The following PPP1R16B variants were observed in gnomAD, a reference collection of about 807,000 sequenced individuals.
The protein encoded by PPP1R16B is protein phosphatase 1 regulatory inhibitor subunit 16B.
A neutral mutation model predicts 61.7 loss-of-function variants in PPP1R16B; 14 were observed. The ratio of observed to expected loss-of-function variants is 0.23; its 90% CI spans 0.15 to 0.35. The LOEUF (loss-of-function observed/expected upper bound fraction) is 0.35. PPP1R16B is among the 10% of genes least tolerant of loss of function. The probability of loss-of-function intolerance (pLI) is 1.00; values close to 1 mark genes in which losing one functional copy is unlikely to be tolerated. For missense variants in PPP1R16B, 547 were observed against 752.5 expected, an observed-to-expected ratio of 0.73 and a Z score of 3.19; for synonymous variants, 266 against 305.3, an observed-to-expected ratio of 0.87 and a Z score of 1.34.
chr20:38,902,845 C>T, intron 6 of PPP1R16B, 53 bp downstream of exon 6: 2 of 1,611,358 alleles, frequency 1.2e-6, no homozygotes, highest in African/African-American at 1.3e-5. Context: ...CGAAGTGGGC[C>T]AGCACCTGGT....
intron 1 of PPP1R16B, among the ~76,000 whole-genome samples, chr20:38,815,157 A>C (rs896888244): frequency 5.9e-5 from 9 of 152,064 alleles, no homozygotes; most frequent in African/African-American, 2.2e-4. Flanking sequence ...CTTCTCAGCC[A>C]CTCATCCCTT....
intron 2 of PPP1R16B, among the ~76,000 whole-genome samples, chr20:38,839,004 G>A (rs940120736): frequency 1.2e-4 from 18 of 152,108 alleles, no homozygotes; most frequent in African/African-American, 2.7e-4. Context: ...CTTGGCTCAC[G>A]GCAAACTCTG....
Position 38,889,613 on chromosome 20 carries a change from A to G in PPP1R16B, c.269A>G (p.Asn90Ser). ...DAEEVRYFLK[N>S]KVSPDLCNED... ...ATTGCAGTACGCTACTTCCTGAAGAATAAGGTCAGCCCTGATTTGTGCAAT... is the reference window on the plus strand; with the variant it reads ...ATTGCAGTACGCTACTTCCTGAAGAGTAAGGTCAGCCCTGATTTGTGCAAT... The change falls in exon 3 of 11, where the codon AAT becomes AGT. Residue 90 changes from asparagine to serine, a missense_variant. Asn to Ser is a conservative substitution (Grantham distance 46, BLOSUM62 1). Coordinates refer to ENST00000299824, the MANE Select transcript of PPP1R16B (RefSeq NM_015568.4). The G allele has an allele frequency of 1.3e-6, 2 of 1,594,928 alleles. No homozygotes were observed. Among genetic ancestry groups the G allele is most frequent in the Non-Finnish European group, 1.7e-6 (2 of 1,162,422 alleles).
At chr20:38,817,158 T>C (rs1225963168) in intron 1 of PPP1R16B, among the ~76,000 whole-genome samples, 3 of 152,164 alleles carry the variant, frequency 2.0e-5, no homozygotes. Flanking sequence ...AAACCAGCAA[T>C]TACCAGAGTG....
At chr20:38,862,384 G>T (rs1292884636) in intron 2 of PPP1R16B, among the ~76,000 whole-genome samples, 1 of 152,232 alleles carries the variant, frequency 6.6e-6, no homozygotes, top group Non-Finnish European at 1.5e-5. Flanking sequence ...CTGAGGTGCA[G>T]AGAGGTTCAG....
chr20:38,889,235 G>A (rs1190726221), intron 2 of PPP1R16B, among the ~76,000 whole-genome samples: 1 of 152,198 alleles, frequency 6.6e-6, no homozygotes, highest in Non-Finnish European at 1.5e-5. Context: ...AGAGAAGGAA[G>A]TGTCTTGACC....
chr20:38,903,131 T>C (rs2085410033), intron 6 of PPP1R16B, among the ~76,000 whole-genome samples: 1 of 152,162 alleles, frequency 6.6e-6, no homozygotes, highest in Non-Finnish European at 1.5e-5. Flanking sequence ...AGACTTTGTC[T>C]TTAATAAACA....
intron 1 of PPP1R16B, among the ~76,000 whole-genome samples, chr20:38,828,967 A>G (rs1274454492): frequency 2.0e-5 from 3 of 152,116 alleles, no homozygotes; most frequent in Non-Finnish European, 2.9e-5. Flanking sequence ...GGGCGATGCT[A>G]TTATTCAAAG....
At chr20:38,857,313 A>C (rs1286077645) in intron 2 of PPP1R16B, among the ~76,000 whole-genome samples, 1 of 152,224 alleles carries the variant, frequency 6.6e-6, no homozygotes, top group African/African-American at 2.4e-5. Context: ...AGGATCATCT[A>C]GATACTTGGA....
chr20:38,898,692 C>T (rs974136358), intron 4 of PPP1R16B, among the ~76,000 whole-genome samples: 1 of 152,044 alleles, frequency 6.6e-6, no homozygotes, highest in Admixed American at 6.6e-5. Flanking sequence ...CGCCTGTAAT[C>T]CCAGCTACTC....
At chr20:38,833,045 A>G (rs1213347336) in intron 1 of PPP1R16B, among the ~76,000 whole-genome samples, 1 of 152,226 alleles carries the variant, frequency 6.6e-6, no homozygotes, top group Non-Finnish European at 1.5e-5. Context: ...TTAAACTGGA[A>G]ACGATGCAGA....
intron 2 of PPP1R16B, among the ~76,000 whole-genome samples, chr20:38,846,943 T>C (rs1331559003): frequency 2.0e-5 from 3 of 152,140 alleles, no homozygotes; most frequent in Admixed American, 6.6e-5. Context: ...AGGTCAAGGT[T>C]GTAAGCTGTG....
intron 1 of PPP1R16B, among the ~76,000 whole-genome samples, chr20:38,818,180 C>T (rs962675311): frequency 2.6e-5 from 4 of 152,204 alleles, no homozygotes; most frequent in Non-Finnish European, 2.9e-5. Context: ...TGACTTTGGG[C>T]GTGTCAAGAG....
rs1247059745 is a variant in PPP1R16B, at chr20:38,906,899, AG to A, written c.823-78del. 9.3e-6 allele frequency: 11 copies of A among 1,183,894 alleles called. No homozygotes were observed. In the African/African-American group the frequency reaches 1.5e-4, roughly 16 times the overall value. The allele number at this position is 1,183,894 out of a possible 1,614,324, so 73.3% of individuals were successfully genotyped here. A position where few individuals can be genotyped will look rare whatever the true frequency, so the allele number is the denominator to read the frequency against. ...ACCATTCTTTGGGTCACATCCTAAG[AG>A]GCCTTGGGCACTCTCTCCACCTCCT... On this transcript the variant is annotated intron_variant, in intron 7 of 10. Coordinates refer to ENST00000299824, the MANE Select transcript of PPP1R16B (RefSeq NM_015568.4).
intron 2 of PPP1R16B, among the ~76,000 whole-genome samples, chr20:38,845,189 GA>G (rs1158209399): frequency 6.6e-6 from 1 of 152,160 alleles, no homozygotes; most frequent in Non-Finnish European, 1.5e-5. Flanking sequence ...ACGGAGAGGG[GA>G]AGATCTAGAG....
intron 2 of PPP1R16B, among the ~76,000 whole-genome samples, chr20:38,862,667 G>A (rs1277655094): frequency 6.6e-6 from 1 of 152,190 alleles, no homozygotes; most frequent in Non-Finnish European, 1.5e-5. Flanking sequence ...GGAATAAGCA[G>A]GTCCTTGAGG....
intron 2 of PPP1R16B, among the ~76,000 whole-genome samples, chr20:38,886,952 T>G (rs892625281): frequency 3.3e-5 from 5 of 152,204 alleles, no homozygotes; most frequent in African/African-American, 1.2e-4. Flanking sequence ...TAATTGTAGT[T>G]GTGACAAGGC....
intron 3 of PPP1R16B, among the ~76,000 whole-genome samples, chr20:38,890,740 A>C (rs894966356): frequency 6.6e-6 from 1 of 152,214 alleles, no homozygotes; most frequent in African/African-American, 2.4e-5. Flanking sequence ...ATGTTGAATT[A>C]ATGCATGAAC....
intron 1 of PPP1R16B, among the ~76,000 whole-genome samples, chr20:38,807,657 A>G (rs894564729): frequency 2.0e-5 from 3 of 151,906 alleles, no homozygotes; most frequent in Non-Finnish European, 4.4e-5. Context: ...CCCAAATCCC[A>G]TCTTCCTGGC....
Sources: allele counts gnomAD v4.1 joint callset (sites outside exome capture counted in the v4.1 genomes callset), GRCh38; gene constraint gnomAD v4.1.1; transcripts MANE v1.5; gene names NCBI Gene and HGNC (gene_info 2026-07-23, HGNC 2026-07-21).